The following TNIK variants were observed in gnomAD, a reference collection of about 807,000 sequenced individuals.
TNIK encodes TRAF2 and NCK interacting kinase, also known as TRAF2 and NCK-interacting protein kinase.
In TNIK, 49 loss-of-function variants were observed where a neutral mutation model predicts 191.3. The observed-to-expected ratio is 0.26, with a 90% CI of 0.20 to 0.32. TNIK has a LOEUF of 0.32. Among genes scored for constraint, TNIK ranks in the 10% least tolerant of loss-of-function variants. The probability of loss-of-function intolerance (pLI) is 1.00; values close to 1 mark genes in which losing one functional copy is unlikely to be tolerated. For missense variants in TNIK, 1,155 were observed against 1,702.3 expected, an observed-to-expected ratio of 0.68 and a Z score of 5.66; for synonymous variants, 594 against 600.9, an observed-to-expected ratio of 0.99 and a Z score of 0.17.
intron 1 of TNIK, among the ~76,000 whole-genome samples, chr3:171,454,846 ATACTGGGCCAT>A (rs552569920): frequency 6.6e-6 from 1 of 152,342 alleles, no homozygotes; most frequent in Non-Finnish European, 1.5e-5. Flanking sequence ...AAAGTTTTAA[ATACTGGGCCAT>A]TAGTGTATCA....
At chr3:171,074,949 T>C (rs1719698489) in intron 28 of TNIK, among the ~76,000 whole-genome samples, 1 of 152,198 alleles carries the variant, frequency 6.6e-6, no homozygotes, top group Non-Finnish European at 1.5e-5. Flanking sequence ...GATGTGTGGA[T>C]ATAGATCAGC....
chr3:171,181,589 T>G (rs1350389805), intron 7 of TNIK, among the ~76,000 whole-genome samples: 4 of 152,228 alleles, frequency 2.6e-5, no homozygotes, highest in East Asian at 1.9e-4. Flanking sequence ...TTCTGGGAGC[T>G]TCTGCTTTTC....
intron 23 of TNIK, 139 bp from the exon 24 acceptor site, chr3:171,087,645 T>C: frequency 1.0e-6 from 1 of 980,014 alleles, no homozygotes; most frequent in Admixed American, 2.7e-5. Flanking sequence ...CACATTTCTA[T>C]TTTACTTAAG....
At position 171,194,570 on chromosome 3, in the gene TNIK, C is replaced by T. The variant is rs764723354; in HGVS notation, c.372G>A (p.Thr124=). 2.0e-5 allele frequency: 33 copies of T among 1,613,836 alleles called. No individual in the cohort carries two copies. The African/African-American group carries it at 2.3e-4, about 11-fold the overall frequency. ...TGTATGCAATCCACTCCTCTTTCAACGTGTTACCTTTTGTGTTCTTGATCA... is the reference window on the plus strand; with the variant it reads ...TGTATGCAATCCACTCCTCTTTCAATGTGTTACCTTTTGTGTTCTTGATCA... ...TDLIKNTKGN[T]LKEEWIAYIC... is the part of the protein sequence containing the mutation. Residue 124 remains threonine, a synonymous_variant, in exon 5 of 33, where the codon ACG becomes ACA. Coordinates refer to ENST00000436636, the MANE Select transcript of TNIK (RefSeq NM_015028.4).
intron 11 of TNIK, among the ~76,000 whole-genome samples, 191 bp from the exon 12 acceptor site, chr3:171,157,855 C>A (rs2108717403): frequency 6.6e-6 from 1 of 152,322 alleles, no homozygotes; most frequent in South Asian, 2.1e-4. Flanking sequence ...ACCTGCCTCC[C>A]TTTCAGTACG....
chr3:171,195,831 A>G (rs1738616213), intron 4 of TNIK, among the ~76,000 whole-genome samples: 1 of 152,148 alleles, frequency 6.6e-6, no homozygotes, highest in Non-Finnish European at 1.5e-5. Flanking sequence ...AAGTGCCACA[A>G]GTAGACTACA....
chr3:171,267,244 G>T (rs1748509355), intron 2 of TNIK, among the ~76,000 whole-genome samples: 3 of 152,210 alleles, frequency 2.0e-5, no homozygotes, highest in Admixed American at 1.3e-4. Flanking sequence ...GAAGAGCCAA[G>T]AGGTTCTCAG....
rs1717745710 is a variant in TNIK, at chr3:171,060,784, C to G, written c.*3097G>C. On this transcript the variant is annotated 3_prime_UTR_variant, in exon 33 of 33. Coordinates refer to ENST00000436636, the MANE Select transcript of TNIK (RefSeq NM_015028.4). ...GGAATCCATGCTACAGTATCTTTGA[C>G]TGGCACCCAGGAATGATGGTCACCT... is the stretch of plus-strand genomic sequence containing the variant. 2.0e-5 allele frequency among the ~76,000 whole-genome samples: 3 copies of G among 152,102 alleles called. No homozygotes were observed. Among genetic ancestry groups the G allele is most frequent in the African/African-American group, 7.2e-5 (3 of 41,426 alleles).
chr3:171,072,402 T>G (rs1719300356), intron 28 of TNIK, among the ~76,000 whole-genome samples: 1 of 152,004 alleles, frequency 6.6e-6, no homozygotes, highest in Non-Finnish European at 1.5e-5. Flanking sequence ...TAGGAAAAGA[T>G]CCACAGCTCT....
At chr3:171,248,429 G>A (rs1475140651) in intron 2 of TNIK, among the ~76,000 whole-genome samples, 5 of 152,178 alleles carry the variant, frequency 3.3e-5, no homozygotes, top group Non-Finnish European at 7.4e-5. Context: ...CTGCAAGGTG[G>A]ATATTATGGA....
Position 171,175,236 on chromosome 3 carries a change from C to T in TNIK, c.773+16G>A, listed in dbSNP as rs184636615. The T allele has an allele frequency of 4.5e-5, 73 of 1,609,810 alleles. No homozygotes were observed. Among genetic ancestry groups the T allele is most frequent in the Middle Eastern group, 1.7e-4 (1 of 6,052 alleles). On this transcript the variant is annotated intron_variant, in intron 9 of 32. Transcript: ENST00000436636. ...CCTCACCCTTAGATCTGCGAAACATCGAAGACCAAACTCACCACTTCTTAG... is the reference window on the plus strand; with the variant it reads ...CCTCACCCTTAGATCTGCGAAACATTGAAGACCAAACTCACCACTTCTTAG...
chr3:171,131,071 C>T (rs903452701), intron 15 of TNIK, among the ~76,000 whole-genome samples: 2 of 144,038 alleles, frequency 1.4e-5, no homozygotes, highest in African/African-American at 2.6e-5. Context: ...GGCCCTAAAG[C>T]TATCATTAGA....
chr3:171,452,729 A>AACACACACACACACACAAACACAC (rs1447927451), intron 1 of TNIK, among the ~76,000 whole-genome samples: 15 of 142,644 alleles, frequency 1.1e-4, no homozygotes, highest in African/African-American at 3.8e-4. Flanking sequence ...ACACACTCCA[A>AACACACACACACACACAAACACAC]ACACACACAC....
At chr3:171,292,126 AT>A (rs1751754954) in intron 2 of TNIK, among the ~76,000 whole-genome samples, 1 of 152,106 alleles carries the variant, frequency 6.6e-6, no homozygotes, top group Non-Finnish European at 1.5e-5. Flanking sequence ...ATTTTCACTT[AT>A]GTGTACAAGA....
intron 2 of TNIK, among the ~76,000 whole-genome samples, chr3:171,320,055 C>T (rs1755017500): frequency 6.6e-6 from 1 of 152,140 alleles, no homozygotes; most frequent in South Asian, 2.1e-4. Flanking sequence ...CTGCTCATGC[C>T]TGCAAAATAA....
At chr3:171,359,344 A>G (rs374463679) in intron 2 of TNIK, among the ~76,000 whole-genome samples, 9 of 152,360 alleles carry the variant, frequency 5.9e-5, no homozygotes, top group African/African-American at 2.2e-4. Flanking sequence ...AGTTCTTCAC[A>G]TATGGAGTTC....
intron 18 of TNIK, among the ~76,000 whole-genome samples, chr3:171,111,105 T>A (rs1279555215): frequency 6.6e-6 from 1 of 152,160 alleles, no homozygotes; most frequent in Non-Finnish European, 1.5e-5. Context: ...TCAGCATCAC[T>A]AATCATCAGG....
intron 2 of TNIK, among the ~76,000 whole-genome samples, chr3:171,258,891 CAGA>C (rs1156879449): frequency 1.3e-5 from 2 of 152,214 alleles, no homozygotes; most frequent in East Asian, 3.9e-4. Context: ...TTGGACTGCT[CAGA>C]AGTTCAGTCT....
intron 1 of TNIK, among the ~76,000 whole-genome samples, chr3:171,410,373 G>A (rs1284337497): frequency 1.3e-5 from 2 of 152,198 alleles, no homozygotes; most frequent in African/African-American, 4.8e-5. Context: ...TCTCCATACA[G>A]CCTTTCTGGA....
Sources: gnomAD v4.1 joint callset for allele counts (sites outside exome capture counted in the v4.1 genomes callset) on GRCh38, gnomAD v4.1.1 for gene constraint, MANE v1.5 for transcripts, NCBI Gene and HGNC (gene_info 2026-07-23, HGNC 2026-07-21) for gene names.